PTPN13: variants seen among roughly 807,000 people sequenced by gnomAD.
PTPN13 encodes protein tyrosine phosphatase non-receptor type 13.
Under a neutral mutation model 284.0 loss-of-function variants are expected in PTPN13, and 191 were observed. The observed-to-expected ratio is 0.67, with a 90% CI of 0.60 to 0.76. The LOEUF is 0.76. Among genes scored for constraint, PTPN13 ranks in the 30% least tolerant of loss-of-function variants. The pLI is 0.00. For synonymous variants in PTPN13, 986 were observed against 1,022.3 expected, an observed-to-expected ratio of 0.96 and a Z score of 0.68; for missense variants, 2,797 against 2,939.9, an observed-to-expected ratio of 0.95 and a Z score of 1.12.
intron 10 of PTPN13, among the ~76,000 whole-genome samples, chr4:86,730,914 C>A (rs1734866849): frequency 6.6e-6 from 1 of 152,208 alleles, no homozygotes; most frequent in Non-Finnish European, 1.5e-5. Flanking sequence ...CAGACTGGAG[C>A]TGTTCCTATT....
intron 1 of PTPN13, among the ~76,000 whole-genome samples, chr4:86,607,783 A>G (rs1302314223): frequency 6.6e-6 from 1 of 152,036 alleles, no homozygotes; most frequent in Non-Finnish European, 1.5e-5. Context: ...AGTTCTTGCA[A>G]TGATATATTT....
At chr4:86,777,862 T>C (rs144866103) in intron 35 of PTPN13, among the ~76,000 whole-genome samples, 258 of 152,316 alleles carry the variant, frequency 1.7e-3, no homozygotes, top group Non-Finnish European at 2.6e-3. Flanking sequence ...ATAGATCTAC[T>C]TGAATGTTAA....
At chr4:86,738,225 T>C (rs189245154) in intron 15 of PTPN13, among the ~76,000 whole-genome samples, 1 of 152,330 alleles carries the variant, frequency 6.6e-6, no homozygotes, top group Admixed American at 6.5e-5. Context: ...TGAGTAAATA[T>C]CTAGCAGTAG....
At chr4:86,739,957 T>C (rs1735975205) in intron 15 of PTPN13, among the ~76,000 whole-genome samples, 1 of 152,208 alleles carries the variant, frequency 6.6e-6, no homozygotes, top group South Asian at 2.1e-4. Context: ...TTTGACTGCA[T>C]GTCTCACATC....
intron 2 of PTPN13, among the ~76,000 whole-genome samples, chr4:86,635,679 T>C (rs747576459): frequency 4.6e-5 from 7 of 152,064 alleles, no homozygotes; most frequent in Non-Finnish European, 1.0e-4. Context: ...AACAAAATAT[T>C]TGGGCCAGGT....
intron 2 of PTPN13, among the ~76,000 whole-genome samples, chr4:86,666,720 T>C (rs535558244): frequency 8.7e-4 from 132 of 152,264 alleles, no homozygotes; most frequent in Non-Finnish European, 1.8e-4. Flanking sequence ...CGATATCTGA[T>C]TTACATAGGA....
At chr4:86,759,217 T>A in intron 23 of PTPN13, 144 bp downstream of exon 23, 1 of 831,814 alleles carries the variant, frequency 1.2e-6, no homozygotes, top group Non-Finnish European at 1.8e-6. Context: ...TGTTCCATCT[T>A]TCTTTTGTCA....
chr4:86,750,742 C>A lies in PTPN13; in HGVS notation c.2923C>A (p.Gln975Lys). The A allele has an allele frequency of 6.2e-7, 1 of 1,613,632 alleles. No individual in the cohort carries two copies. Among genetic ancestry groups the A allele is most frequent in the African/African-American group, 1.3e-5 (1 of 75,032 alleles). Residue 975 changes from glutamine to lysine, a missense_variant, in exon 18 of 48, where the codon CAG (glutamine) becomes AAG (lysine). By Grantham distance (53) the Gln-to-Lys change is moderately conservative (BLOSUM62 1). Transcript: ENST00000411767. ...EMSKSYHDLS[Q>K]ASLYPHRKNV... ...GAGTAAATCATACCATGATCTCAGT[C>A]AGGCCTCTCTCTATCCACATCGGAA...
At chr4:86,747,098 T>G (rs1371821214) in intron 17 of PTPN13, among the ~76,000 whole-genome samples, 1 of 152,258 alleles carries the variant, frequency 6.6e-6, no homozygotes, top group African/African-American at 2.4e-5. Context: ...ATTACTTCAT[T>G]ATAGTTGTTG....
chr4:86,766,421 C>A lies in PTPN13; in HGVS notation c.4244-11C>A. 1 of 1,594,684 alleles carries A rather than the reference C, an allele frequency of 6.3e-7. No homozygotes were observed. The highest frequency in any genetic ancestry group is 1.1e-5 in the South Asian group (1 of 87,178). The stretch of plus-strand genomic sequence containing the variant: ...GATTTTTATTTATGATTTGAACTGC[C>A]TAATTTTTAGGTGATCGCGTCCTAG... On this transcript the variant is annotated splice_polypyrimidine_tract_variant and intron_variant, in intron 26 of 47. Coordinates refer to ENST00000411767, the MANE Select transcript of PTPN13 (RefSeq NM_080683.3).
chr4:86,612,064 A>T (rs922779420), intron 1 of PTPN13, among the ~76,000 whole-genome samples: 3 of 152,356 alleles, frequency 2.0e-5, no homozygotes, highest in Middle Eastern at 3.4e-3. Flanking sequence ...TTAGCCCTAG[A>T]CTGAGTACTG....
chr4:86,724,111 C>A (rs1733968177), intron 10 of PTPN13, among the ~76,000 whole-genome samples: 1 of 152,178 alleles, frequency 6.6e-6, no homozygotes, highest in South Asian at 2.1e-4. Context: ...CTTTATTCCT[C>A]ATTGTGCTAA....
intron 12 of PTPN13, among the ~76,000 whole-genome samples, chr4:86,733,087 A>C (rs1201918450): frequency 2.0e-5 from 3 of 152,118 alleles, no homozygotes; most frequent in African/African-American, 7.2e-5. Context: ...TAGTATCCTA[A>C]TATGAGCCTG....
intron 2 of PTPN13, among the ~76,000 whole-genome samples, chr4:86,659,151 G>A (rs1726189660): frequency 6.6e-6 from 1 of 151,964 alleles, no homozygotes; most frequent in Non-Finnish European, 1.5e-5. Context: ...ATAATTTAAT[G>A]TTCTCTATGA....
chr4:86,782,380 T>A, intron 37 of PTPN13, 118 bp downstream of exon 37: 3 of 953,888 alleles, frequency 3.1e-6, no homozygotes, highest in Non-Finnish European at 4.9e-6. Flanking sequence ...ATATTCATAT[T>A]AATAGTAAGG....
At chr4:86,657,011 G>A (rs892463637) in intron 2 of PTPN13, among the ~76,000 whole-genome samples, 3 of 152,202 alleles carry the variant, frequency 2.0e-5, no homozygotes, top group Admixed American at 6.5e-5. Context: ...TGTGGGCGTG[G>A]GAGCCTCCAA....
chr4:86,725,661 G>C (rs1193492296), intron 10 of PTPN13, among the ~76,000 whole-genome samples: 9 of 149,324 alleles, frequency 6.0e-5, no homozygotes, highest in Non-Finnish European at 9.0e-5. Context: ...TTTTCAGTGG[G>C]GTTGTTTGTT....
At chr4:86,644,203 T>G (rs1339914425) in intron 2 of PTPN13, among the ~76,000 whole-genome samples, 1 of 152,054 alleles carries the variant, frequency 6.6e-6, no homozygotes, top group Non-Finnish European at 1.5e-5. Context: ...GGCGTGATCT[T>G]GGCTCACTGT....
At chr4:86,790,309 C>T (rs1264552679) in intron 40 of PTPN13, among the ~76,000 whole-genome samples, 1 of 152,098 alleles carries the variant, frequency 6.6e-6, no homozygotes, top group Non-Finnish European at 1.5e-5. Context: ...TCTACAAAGT[C>T]TGTAACTGAA....
Sources: allele counts gnomAD v4.1 joint callset (sites outside exome capture counted in the v4.1 genomes callset), GRCh38; gene constraint gnomAD v4.1.1; transcripts MANE v1.5; gene names NCBI Gene and HGNC (gene_info 2026-07-23, HGNC 2026-07-21).